The following GALNT13 variants were observed in gnomAD, a reference collection of about 807,000 sequenced individuals.
GALNT13 encodes the protein polypeptide N-acetylgalactosaminyltransferase 13.
In GALNT13, 28 loss-of-function variants were observed where a neutral mutation model predicts 64.2. That is an observed-to-expected ratio of 0.44 (90% CI 0.32 to 0.60). The LOEUF is 0.60. Ranked by LOEUF, GALNT13 falls within the 20% of genes least tolerant of loss-of-function variation. GALNT13 has a pLI of 0.05. For synonymous variants in GALNT13, 214 were observed against 224.6 expected (o/e 0.95, Z 0.42); for missense variants, 577 against 669.8 (o/e 0.86, Z 1.53).
the GALNT13 span, among the ~76,000 whole-genome samples, chr2:153,787,525 A>G: frequency 2.0e-5 from 3 of 152,204 alleles, no homozygotes; most frequent in African/African-American, 4.8e-5. Context: ...CCAGCAACTA[A>G]TCGGCCAGAG....
At chr2:153,230,749 C>T in the GALNT13 span, among the ~76,000 whole-genome samples, 22 of 152,294 alleles carry the variant, frequency 1.4e-4, no homozygotes, top group South Asian at 4.6e-3. Flanking sequence ...TTCATGTCCT[C>T]TTTATTTTCC....
chr2:154,391,411 G>A (rs1483776062), intron 9 of GALNT13, among the ~76,000 whole-genome samples: 1 of 152,086 alleles, frequency 6.6e-6, no homozygotes. Flanking sequence ...TTAGAAATAT[G>A]GACCCTAAGG....
chr2:153,411,730 A>G, the GALNT13 span, among the ~76,000 whole-genome samples: 1 of 152,192 alleles, frequency 6.6e-6, no homozygotes, highest in Non-Finnish European at 1.5e-5. Context: ...ATACGTTTGC[A>G]TATTAGAACA....
At chr2:154,022,616 A>G (rs1208353536) in intron 3 of GALNT13, among the ~76,000 whole-genome samples, 1 of 151,946 alleles carries the variant, frequency 6.6e-6, no homozygotes, top group Non-Finnish European at 1.5e-5. Flanking sequence ...CTAGCGGTCT[A>G]TCAATTTTGT....
At chr2:153,962,678 A>T (rs1200686558) in intron 3 of GALNT13, among the ~76,000 whole-genome samples, 1 of 152,184 alleles carries the variant, frequency 6.6e-6, no homozygotes, top group Non-Finnish European at 1.5e-5. Flanking sequence ...TTATTAAGGT[A>T]TATTATAAAA....
chr2:153,287,119 A>G, the GALNT13 span, among the ~76,000 whole-genome samples: 2 of 152,238 alleles, frequency 1.3e-5, no homozygotes, highest in African/African-American at 4.8e-5. Context: ...CAACTTCACA[A>G]ATAATGAGGT....
chr2:153,312,855 A>T, the GALNT13 span, among the ~76,000 whole-genome samples: 2 of 152,124 alleles, frequency 1.3e-5, no homozygotes, highest in South Asian at 2.1e-4. Flanking sequence ...AAGGGGGTGA[A>T]TTTTATCCCA....
intron 4 of GALNT13, among the ~76,000 whole-genome samples, chr2:154,227,818 A>G (rs917378497): frequency 1.6e-4 from 24 of 152,122 alleles, no homozygotes; most frequent in Admixed American, 1.3e-4. Context: ...TTGTGGCTGT[A>G]GCGTTTACCC....
At chr2:154,356,446 A>G (rs763252407) in intron 9 of GALNT13, among the ~76,000 whole-genome samples, 2 of 152,012 alleles carry the variant, frequency 1.3e-5, no homozygotes, top group Non-Finnish European at 2.9e-5. Context: ...CAATATAGCA[A>G]TAAAGCAATA....
chr2:153,454,368 C>T, the GALNT13 span, among the ~76,000 whole-genome samples: 43 of 152,270 alleles, frequency 2.8e-4, no homozygotes, highest in African/African-American at 1.0e-3. Flanking sequence ...GGCTAGTAAA[C>T]TCTGAGACCG....
rs1215462640 is a variant in GALNT13 at position 153,944,645 on chromosome 2, T to G, written c.142+6T>G. The G allele has an allele frequency of 9.3e-6, 15 of 1,611,310 alleles. No individual in the cohort carries two copies. Among genetic ancestry groups the G allele is most frequent in the Non-Finnish European group, 1.3e-5 (15 of 1,178,368 alleles). On this transcript the variant is annotated splice_donor_region_variant and intron_variant, in intron 3 of 12. Coordinates refer to ENST00000392825, the MANE Select transcript of GALNT13 (RefSeq NM_052917.4). ...TCTGCTGCCTGCATTGAGGGGTAAGTGCTTATGAAGCAAATACTGTCTTTA... is the reference window on the plus strand; with the variant it reads ...TCTGCTGCCTGCATTGAGGGGTAAGGGCTTATGAAGCAAATACTGTCTTTA...
At chr2:153,218,690 T>G in the GALNT13 span, among the ~76,000 whole-genome samples, 1 of 152,224 alleles carries the variant, frequency 6.6e-6, no homozygotes, top group South Asian at 2.1e-4. Flanking sequence ...AAGAAGAGCT[T>G]ATAAGTAGTT....
the GALNT13 span, among the ~76,000 whole-genome samples, chr2:153,189,584 A>G: frequency 2.0e-5 from 3 of 152,276 alleles, no homozygotes; most frequent in Middle Eastern, 3.4e-3. Flanking sequence ...TCCTTTTGAC[A>G]CAGTGATTTC....
At chr2:154,382,076 C>T (rs1222247474) in intron 9 of GALNT13, among the ~76,000 whole-genome samples, 1 of 152,016 alleles carries the variant, frequency 6.6e-6, no homozygotes, top group Non-Finnish European at 1.5e-5. Flanking sequence ...AAATGAAAAC[C>T]TCACCAGAAA....
At chr2:153,733,055 G>T in the GALNT13 span, among the ~76,000 whole-genome samples, 1 of 152,076 alleles carries the variant, frequency 6.6e-6, no homozygotes, top group Admixed American at 6.6e-5. Context: ...ATGTAAAAAT[G>T]TCAGAGTGGA....
chr2:154,117,260 C>T (rs1681634915), intron 3 of GALNT13, among the ~76,000 whole-genome samples: 1 of 152,102 alleles, frequency 6.6e-6, no homozygotes, highest in East Asian at 1.9e-4. Flanking sequence ...TTGCATCCTT[C>T]AATCCAATCA....
chr2:153,835,010 A>C, the GALNT13 span, among the ~76,000 whole-genome samples: 1 of 152,118 alleles, frequency 6.6e-6, no homozygotes, highest in Non-Finnish European at 1.5e-5. Flanking sequence ...AAGACACGCG[A>C]AGAAAAATTG....
chr2:153,257,584 T>A, the GALNT13 span, among the ~76,000 whole-genome samples: 2 of 152,282 alleles, frequency 1.3e-5, no homozygotes, highest in African/African-American at 4.8e-5. Flanking sequence ...TTTTCTGACT[T>A]TTCCCTTAAA....
At chr2:153,639,117 A>G in the GALNT13 span, among the ~76,000 whole-genome samples, 1 of 152,002 alleles carries the variant, frequency 6.6e-6, no homozygotes, top group Admixed American at 6.6e-5. Context: ...GGGATGGTAA[A>G]GAGATCAGTA....
Sources: gnomAD v4.1 joint callset for allele counts (sites outside exome capture counted in the v4.1 genomes callset) on GRCh38, gnomAD v4.1.1 for gene constraint, MANE v1.5 for transcripts, NCBI Gene and HGNC (gene_info 2026-07-23, HGNC 2026-07-21) for gene names.